Variants in MEI4 observed in about 807,000 individuals in gnomAD.
MEI4 encodes the protein meiotic double-stranded break formation protein 4, also known as meiosis-specific protein MEI4.
Under a neutral mutation model 31.4 loss-of-function variants are expected in MEI4, and 27 were observed. That is an observed-to-expected ratio of 0.86 (90% CI 0.63 to 1.19). The LOEUF is 1.19. Ranked by LOEUF, MEI4 falls within the 50% of genes most tolerant of loss-of-function variation. The probability of loss-of-function intolerance (pLI) is 0.00; values close to 1 mark genes in which losing one functional copy is unlikely to be tolerated. For missense variants in MEI4, 329 were observed against 398.9 expected (o/e 0.82, Z 1.49); for synonymous variants, 122 against 145.4 (o/e 0.84, Z 1.16).
intron 4 of MEI4, among the ~76,000 whole-genome samples, chr6:77,862,743 G>A (rs934161087): frequency 4.6e-5 from 7 of 152,302 alleles, no homozygotes; most frequent in Middle Eastern, 6.8e-3. Flanking sequence ...CTCCCAGCAC[G>A]CAGCTGGGGA....
At chr6:77,737,660 A>G (rs1029221987) in intron 2 of MEI4, among the ~76,000 whole-genome samples, 6 of 152,186 alleles carry the variant, frequency 3.9e-5, no homozygotes, top group African/African-American at 1.4e-4. Context: ...AAGCCTTGAG[A>G]CTATTGGGAG....
chr6:77,711,821 T>C (rs531452565), intron 2 of MEI4, among the ~76,000 whole-genome samples: 1 of 152,336 alleles, frequency 6.6e-6, no homozygotes, highest in East Asian at 1.9e-4. Context: ...TTAGAAATAG[T>C]TGTATTTCTG....
chr6:77,807,139 C>A (rs1446991775), intron 3 of MEI4, among the ~76,000 whole-genome samples: 1 of 131,446 alleles, frequency 7.6e-6, no homozygotes, highest in Non-Finnish European at 1.5e-5. Flanking sequence ...AATAGGTGTG[C>A]TTCATAAGTT....
intron 2 of MEI4, among the ~76,000 whole-genome samples, chr6:77,734,957 T>TA (rs1767140621): frequency 1.3e-5 from 2 of 152,010 alleles, no homozygotes; most frequent in Admixed American, 1.3e-4. Context: ...ATGTTGAATA[T>TA]TGGCCCCCAC....
At position 77,772,173 on chromosome 6, in the gene MEI4, C is replaced by T. The variant is rs553857238; in HGVS notation, c.768+10508C>T. On this transcript the variant is annotated intron_variant, in intron 3 of 4. Coordinates refer to ENST00000684080, the MANE Select transcript of MEI4 (RefSeq NM_001322247.2). The stretch of plus-strand genomic sequence containing the variant: ...TAATACCAATCCTGCTCAAACTCTT[C>T]TGAAAAATAGAGAAGAAGATACTTC... 1.4e-3 allele frequency among the ~76,000 whole-genome samples: 211 copies of T among 151,326 alleles called. 1 individual carries two copies. The highest frequency in any genetic ancestry group is 4.5e-3 in the African/African-American group (185 of 41,302).
At chr6:77,789,874 A>G (rs1194786383) in intron 3 of MEI4, among the ~76,000 whole-genome samples, 1 of 152,156 alleles carries the variant, frequency 6.6e-6, no homozygotes, top group Non-Finnish European at 1.5e-5. Flanking sequence ...AGAACTAGAA[A>G]TACCATTTGA....
At chr6:77,745,504 C>T (rs1423790992) in intron 2 of MEI4, among the ~76,000 whole-genome samples, 2 of 152,140 alleles carry the variant, frequency 1.3e-5, no homozygotes, top group African/African-American at 4.8e-5. Context: ...GACTTAGACT[C>T]CCACACATTA....
intron 4 of MEI4, among the ~76,000 whole-genome samples, chr6:77,922,293 A>AAAAT (rs773325716): frequency 5.3e-5 from 8 of 151,844 alleles, no homozygotes; most frequent in Non-Finnish European, 8.9e-5. Context: ...ATGTACCAGG[A>AAAAT]AAATAAAAAA....
At chr6:77,871,398 T>C (rs1771187108) in intron 4 of MEI4, among the ~76,000 whole-genome samples, 1 of 152,144 alleles carries the variant, frequency 6.6e-6, no homozygotes, top group Non-Finnish European at 1.5e-5. Context: ...TAAATACACA[T>C]ATCATAACAT....
intron 2 of MEI4, among the ~76,000 whole-genome samples, chr6:77,737,278 T>C (rs755343664): frequency 6.6e-6 from 1 of 152,218 alleles, no homozygotes; most frequent in Non-Finnish European, 1.5e-5. Context: ...CATCAGTGTT[T>C]AGAATTGTTT....
intron 1 of MEI4, among the ~76,000 whole-genome samples, chr6:77,662,490 A>G (rs1449514444): frequency 6.6e-6 from 1 of 152,218 alleles, no homozygotes; most frequent in Non-Finnish European, 1.5e-5. Context: ...AAGAGTGAGT[A>G]TAGCTGAAGG....
At chr6:77,769,255 T>A (rs1165590175) in intron 3 of MEI4, among the ~76,000 whole-genome samples, 1 of 152,008 alleles carries the variant, frequency 6.6e-6, no homozygotes, top group African/African-American at 2.4e-5. Flanking sequence ...GTCCTGTCAG[T>A]GGGAAGCAAC....
intron 4 of MEI4, among the ~76,000 whole-genome samples, chr6:77,897,563 CTTG>C (rs1473495641): frequency 6.6e-6 from 1 of 151,844 alleles, no homozygotes; most frequent in Non-Finnish European, 1.5e-5. Context: ...AACGTTCATA[CTTG>C]TTGAACTGTT....
chr6:77,886,209 T>G (rs1256637308), intron 4 of MEI4, among the ~76,000 whole-genome samples: 2 of 152,130 alleles, frequency 1.3e-5, no homozygotes, highest in East Asian at 1.9e-4. Flanking sequence ...CCTCCTCAAC[T>G]TTTTTGGAAT....
chr6:77,887,793 T>G (rs1367243472), intron 4 of MEI4, among the ~76,000 whole-genome samples: 1 of 152,182 alleles, frequency 6.6e-6, no homozygotes, highest in Non-Finnish European at 1.5e-5. Context: ...ATTAGGTTCA[T>G]TTGGTGTATT....
intron 3 of MEI4, among the ~76,000 whole-genome samples, chr6:77,812,101 A>G (rs974567411): frequency 2.6e-5 from 4 of 152,168 alleles, no homozygotes; most frequent in Non-Finnish European, 5.9e-5. Flanking sequence ...CTGTGAAGTT[A>G]TAGCTAAAAT....
At chr6:77,884,041 G>C (rs1342989585) in intron 4 of MEI4, among the ~76,000 whole-genome samples, 2 of 151,536 alleles carry the variant, frequency 1.3e-5, no homozygotes, top group African/African-American at 4.8e-5. Flanking sequence ...TTGTCTTTTG[G>C]ATAATAGCCA....
chr6:77,790,140 C>T (rs1768876382), intron 3 of MEI4, among the ~76,000 whole-genome samples: 1 of 151,146 alleles, frequency 6.6e-6, no homozygotes, highest in Non-Finnish European at 1.5e-5. Flanking sequence ...TCATTCTCAG[C>T]AAAGTATCAC....
Position 77,917,458 on chromosome 6 carries a change from C to T in MEI4, c.901-5631C>T, listed in dbSNP as rs1035778809. Among the ~76,000 whole-genome samples, 6 of 150,348 alleles carry T rather than the reference C, an allele frequency of 4.0e-5. No individual in the cohort carries two copies. The South Asian group carries it at 8.5e-4, about 21-fold the overall frequency. ...TTGTTTCCTGACTTTTTAATGATTG[C>T]CATTCTAACTGGTGTGAGATGGTAT... On this transcript the variant is annotated intron_variant, in intron 4 of 4. Transcript: ENST00000684080.
Sources: allele counts gnomAD v4.1 joint callset (sites outside exome capture counted in the v4.1 genomes callset), GRCh38; gene constraint gnomAD v4.1.1; transcripts MANE v1.5; gene names NCBI Gene and HGNC (gene_info 2026-07-23, HGNC 2026-07-21).